Variants in ZNF618 observed in about 807,000 individuals in gnomAD.
ZNF618 encodes zinc finger protein 618, also known as neural precursor cell expressed, developmentally down-regulated 10.
ZNF618 carries 34 observed loss-of-function variants against 103.0 expected under a neutral mutation model. The observed-to-expected ratio is 0.33, with a 90% CI of 0.25 to 0.44. ZNF618 has a LOEUF of 0.44. Among genes scored for constraint, ZNF618 ranks in the 20% least tolerant of loss-of-function variants. The pLI is 1.00. For synonymous variants in ZNF618, 551 were observed against 542.2 expected (o/e 1.02, Z -0.23); for missense variants, 1,059 against 1,295.4 (o/e 0.82, Z 2.80).
intron 1 of ZNF618, among the ~76,000 whole-genome samples, chr9:113,951,467 G>GTGTATATATGTACACATATA (rs1564207225): frequency 1.7e-4 from 4 of 23,036 alleles, no homozygotes; most frequent in African/African-American, 4.1e-4. Context: ...ATACATATAT[G>GTGTATATATGTACACATATA]TGTGTATGTG....
intron 1 of ZNF618, among the ~76,000 whole-genome samples, chr9:113,885,201 A>T (rs1187401371): frequency 6.6e-6 from 1 of 152,114 alleles, no homozygotes; most frequent in Non-Finnish European, 1.5e-5. Flanking sequence ...GGGTTCCTGG[A>T]TGATGACCTG....
intron 1 of ZNF618, among the ~76,000 whole-genome samples, chr9:113,951,567 G>GTGTGTA (rs1835756819): frequency 4.0e-5 from 1 of 24,906 alleles, no homozygotes; most frequent in African/African-American, 9.0e-5. Flanking sequence ...GTGTATATGT[G>GTGTGTA]TGTGTGTATA....
At chr9:114,000,318 A>T (rs1588291498) in intron 4 of ZNF618, among the ~76,000 whole-genome samples, 1 of 152,180 alleles carries the variant, frequency 6.6e-6, no homozygotes, top group Non-Finnish European at 1.5e-5. Flanking sequence ...AGAGGCTCGG[A>T]CAAGTGAAAG....
At chr9:113,909,789 G>T (rs1476874543) in intron 1 of ZNF618, among the ~76,000 whole-genome samples, 14 of 142,368 alleles carry the variant, frequency 9.8e-5, no homozygotes, top group South Asian at 2.2e-4. Context: ...TTTTTTGTTT[G>T]TTTTTTTTTT....
intron 1 of ZNF618, among the ~76,000 whole-genome samples, chr9:113,959,016 C>T (rs1398128054): frequency 2.0e-5 from 3 of 152,266 alleles, no homozygotes; most frequent in South Asian, 4.1e-4. Context: ...AGGCCGGGCG[C>T]GGTGGCTCAT....
At chr9:113,905,328 C>T (rs1005615658) in intron 1 of ZNF618, among the ~76,000 whole-genome samples, 10 of 152,180 alleles carry the variant, frequency 6.6e-5, no homozygotes, top group Admixed American at 2.0e-4. Flanking sequence ...CCTGTTTGAT[C>T]TTTGAGGCTT....
chr9:113,914,662 A>G (rs1831900049), intron 1 of ZNF618, among the ~76,000 whole-genome samples: 1 of 152,266 alleles, frequency 6.6e-6, no homozygotes, highest in Non-Finnish European at 1.5e-5. Context: ...CCATTGGAAT[A>G]TAAACACTAT....
At chr9:114,013,469 C>T (rs1033892410) in intron 9 of ZNF618, among the ~76,000 whole-genome samples, 5 of 152,232 alleles carry the variant, frequency 3.3e-5, no homozygotes, top group Middle Eastern at 3.4e-3. Flanking sequence ...CTCACTCTGT[C>T]GCCCAGGCTG....
chr9:113,973,207 A>G (rs1838154744), intron 2 of ZNF618, among the ~76,000 whole-genome samples: 1 of 152,178 alleles, frequency 6.6e-6, no homozygotes, highest in Admixed American at 6.5e-5. Context: ...CCTTCTTCAG[A>G]TGGAGAAATG....
chr9:113,916,065 CGTGTGTCTGTGTGTGTGTGTGTGT>C (rs1292524446), intron 1 of ZNF618, among the ~76,000 whole-genome samples: 86 of 117,430 alleles, frequency 7.3e-4, no homozygotes, highest in African/African-American at 2.2e-3. Flanking sequence ...GAGACATGCG[CGTGTGTCTGTGTGTGTGTGTGTGT>C]GTGTGTCTGT....
At chr9:113,993,724 C>G (rs1042049141) in intron 3 of ZNF618, among the ~76,000 whole-genome samples, 1 of 152,084 alleles carries the variant, frequency 6.6e-6, no homozygotes, top group Admixed American at 6.6e-5. Context: ...AGACTTGACC[C>G]CTCTTCAGAT....
intron 2 of ZNF618, among the ~76,000 whole-genome samples, chr9:113,976,276 G>A (rs10120772): frequency 0.9 from 136,239 of 152,192 alleles, 61,331 homozygotes; most frequent in East Asian, 1. Flanking sequence ...CCCCCCACAT[G>A]TGCTTCTTGA....
Position 113,907,669 on chromosome 9 carries a change from C to T in ZNF618, c.33+31256C>T, listed in dbSNP as rs1307145659. ...GTCCAGGACCCCCCCGCATGAGAGG[C>T]CCCTGGGGCCACCTGTAGACTGGTG... On this transcript the variant is annotated intron_variant, in intron 1 of 14. Transcript: ENST00000374126. 2.0e-5 allele frequency among the ~76,000 whole-genome samples: 3 copies of T among 152,300 alleles called. No homozygotes were observed. The East Asian group carries it at 5.8e-4, about 29-fold the overall frequency.
intron 9 of ZNF618, among the ~76,000 whole-genome samples, chr9:114,014,157 G>A (rs570050790): frequency 1.3e-5 from 2 of 152,254 alleles, no homozygotes; most frequent in Admixed American, 6.5e-5. Context: ...GGGAATTAAG[G>A]CAGCAATCAG....
In ZNF618 at chr9:113,877,001, T is replaced by C. The variant is rs116386190; in HGVS notation, c.33+588T>C. Among the ~76,000 whole-genome samples, 664 of 152,188 alleles carry C rather than the reference T, an allele frequency of 4.4e-3. 7 individuals carry two copies. The highest frequency in any genetic ancestry group is 0.015 in the African/African-American group (627 of 41,562). ...TTGTAAATAAAAAAGAAATTAAAAT[T>C]GAAAAGAAATATTTTTTATTTCTTA... On this transcript the variant is annotated intron_variant, in intron 1 of 14. Coordinates refer to ENST00000374126, the MANE Select transcript of ZNF618 (RefSeq NM_001318042.2).
In ZNF618 at chr9:113,985,522, TG is replaced by T. The variant is rs373535880; in HGVS notation, c.78-2793del. ...AGCTAGGCGGGCCCGTGCTCCCCTC[TG>T]GGGGGCCAGGGGGACTCTTGCTCAT... On this transcript the variant is annotated intron_variant, in intron 2 of 14. Coordinates refer to ENST00000374126, the MANE Select transcript of ZNF618 (RefSeq NM_001318042.2). Among the ~76,000 whole-genome samples, 531 of 152,332 alleles carry T rather than the reference TG, an allele frequency of 3.5e-3. 2 individuals carry two copies. Among genetic ancestry groups the T allele is most frequent in the Non-Finnish European group, 6.1e-3 (413 of 68,012 alleles).
intron 9 of ZNF618, among the ~76,000 whole-genome samples, chr9:114,016,377 G>A (rs1298146398): frequency 6.6e-6 from 1 of 152,110 alleles, no homozygotes; most frequent in Non-Finnish European, 1.5e-5. Context: ...GGGGTGGAGC[G>A]ATGTGCCAGG....
intron 1 of ZNF618, 38 bp from the exon 2 acceptor site, chr9:113,969,079 G>C: frequency 6.2e-7 from 1 of 1,613,522 alleles, no homozygotes; most frequent in South Asian, 1.1e-5. Context: ...TGCATCTTCT[G>C]CCTTGGCTGA....
intron 2 of ZNF618, among the ~76,000 whole-genome samples, chr9:113,987,263 G>A (rs1839571313): frequency 6.6e-6 from 1 of 152,172 alleles, no homozygotes; most frequent in Non-Finnish European, 1.5e-5. Context: ...TTGAAAGGAG[G>A]ATGCTTCAGG....
Sources: allele counts gnomAD v4.1 joint callset (sites outside exome capture counted in the v4.1 genomes callset), GRCh38; gene constraint gnomAD v4.1.1; transcripts MANE v1.5; gene names NCBI Gene and HGNC (gene_info 2026-07-23, HGNC 2026-07-21).